Variants in PMS1 observed in about 807,000 individuals in gnomAD.
PMS1 encodes PMS1 homolog 1, mismatch repair system component.
In PMS1, 79 loss-of-function variants were observed where a neutral mutation model predicts 93.1. The ratio of observed to expected loss-of-function variants is 0.85; its 90% CI spans 0.71 to 1.02. PMS1 has a LOEUF of 1.02. PMS1 is among the 50% of genes least tolerant of loss of function. The pLI, the probability that PMS1 is intolerant of heterozygous loss-of-function variation, is 0.00. For missense variants in PMS1, 1,064 were observed against 1,085.3 expected, an observed-to-expected ratio of 0.98 and a Z score of 0.28; for synonymous variants, 335 against 363.4, an observed-to-expected ratio of 0.92 and a Z score of 0.89.
At chr2:189,833,910 C>G (rs1261627443) in intron 5 of PMS1, among the ~76,000 whole-genome samples, 1 of 152,156 alleles carries the variant, frequency 6.6e-6, no homozygotes. Flanking sequence ...TTCCTTTCAT[C>G]CTTAGGAAGA....
chr2:189,791,968 C>G, intron 2 of PMS1, 27 bp downstream of exon 2: 3 of 1,607,928 alleles, frequency 1.9e-6, no homozygotes, highest in Non-Finnish European at 1.7e-6. Flanking sequence ...ACCCAAATAC[C>G]TTTAAGACAA....
intron 11 of PMS1, among the ~76,000 whole-genome samples, chr2:189,870,010 T>C (rs2057007740): frequency 6.6e-6 from 1 of 152,128 alleles, no homozygotes; most frequent in South Asian, 2.1e-4. Flanking sequence ...ATACTTTCCA[T>C]AGCATCAAAG....
At chr2:189,861,555 G>A (rs2056002515) in intron 9 of PMS1, among the ~76,000 whole-genome samples, 1 of 151,966 alleles carries the variant, frequency 6.6e-6, no homozygotes, top group African/African-American at 2.4e-5. Context: ...TTTGAGACCA[G>A]CCTGGCCAAC....
chr2:189,803,347 C>T (rs1258837492), intron 3 of PMS1, among the ~76,000 whole-genome samples: 2 of 152,092 alleles, frequency 1.3e-5, no homozygotes, highest in African/African-American at 4.8e-5. Flanking sequence ...TGTAATGATA[C>T]TGCGATTTCT....
chr2:189,805,806 G>T, intron 4 of PMS1, 52 bp downstream of exon 4: 1 of 1,597,474 alleles, frequency 6.3e-7, no homozygotes. Context: ...TGTCTTAATT[G>T]TTGGTTTAAA....
chr2:189,795,690 CT>C (rs1559216301), intron 2 of PMS1, 78 bp from the exon 3 acceptor site: 1 of 1,143,926 alleles, frequency 8.7e-7, no homozygotes, highest in African/African-American at 1.5e-5. Flanking sequence ...TGTCAAAATT[CT>C]TTCACTTGTG....
At position 189,854,977 on chromosome 2, in the gene PMS1, C is replaced by T. The variant is rs201194903; in HGVS notation, c.1705C>T (p.Arg569Ter). 10 of 1,612,696 alleles carry T rather than the reference C, an allele frequency of 6.2e-6. No homozygotes were observed. The highest frequency in any genetic ancestry group is 2.7e-5 in the African/African-American group (2 of 74,864). The change falls in exon 9 of 13, where the codon CGA becomes TGA. Residue 569 changes from arginine (R) to a stop codon, truncating the protein, a stop_gained. Coordinates refer to ENST00000441310, the MANE Select transcript of PMS1 (RefSeq NM_000534.5). LOFTEE classifies it high-confidence loss of function. ...TACAGCTTATGATTTACTTAGCAAT[C>T]GAGTAATCAAGAAACCCATGTCAGC... ...KVTAYDLLSN[R>*]VIKKPMSASA...
At chr2:189,840,473 AAAAT>A (rs1403965493) in intron 5 of PMS1, among the ~76,000 whole-genome samples, 1 of 152,234 alleles carries the variant, frequency 6.6e-6, no homozygotes, top group East Asian at 1.9e-4. Flanking sequence ...GGCCAAATGT[AAAAT>A]ATACAAGGAG....
chr2:189,869,771 C>T (rs1357687008), intron 11 of PMS1, among the ~76,000 whole-genome samples: 1 of 150,122 alleles, frequency 6.7e-6, no homozygotes. Flanking sequence ...GAGCCAAGAT[C>T]ACGCCACTGC....
At chr2:189,856,153 T>A (rs2055308192) in intron 9 of PMS1, among the ~76,000 whole-genome samples, 1 of 149,574 alleles carries the variant, frequency 6.7e-6, no homozygotes, top group Admixed American at 6.6e-5. Flanking sequence ...TTTTTTGTCA[T>A]CTTTTTTTTT....
chr2:189,846,768 A>T (rs1205965024), intron 6 of PMS1, among the ~76,000 whole-genome samples: 1 of 152,144 alleles, frequency 6.6e-6, no homozygotes, highest in Non-Finnish European at 1.5e-5. Context: ...TGGCAGACAT[A>T]GACTTTTAGA....
chr2:189,823,522 A>G (rs545954953), intron 5 of PMS1, among the ~76,000 whole-genome samples: 1 of 152,146 alleles, frequency 6.6e-6, no homozygotes, highest in Non-Finnish European at 1.5e-5. Flanking sequence ...AACCAAGGGA[A>G]TATATTTTAA....
chr2:189,800,914 C>T (rs1559224837), intron 3 of PMS1, among the ~76,000 whole-genome samples: 1 of 152,156 alleles, frequency 6.6e-6, no homozygotes, highest in African/African-American at 2.4e-5. Flanking sequence ...ATTCTTTGTT[C>T]TTTATTTATA....
intron 9 of PMS1, among the ~76,000 whole-genome samples, chr2:189,858,874 A>G (rs752391881): frequency 1.3e-5 from 2 of 152,086 alleles, no homozygotes; most frequent in Non-Finnish European, 2.9e-5. Context: ...TTCAGGTAAC[A>G]TTTCTTCATT....
chr2:189,823,755 A>G (rs1490207460), intron 5 of PMS1, among the ~76,000 whole-genome samples: 3 of 151,350 alleles, frequency 2.0e-5, no homozygotes, highest in Admixed American at 2.0e-4. Flanking sequence ...CATATAAAGT[A>G]TTTATTGAAT....
At chr2:189,838,330 T>C (rs2053555389) in intron 5 of PMS1, among the ~76,000 whole-genome samples, 1 of 152,008 alleles carries the variant, frequency 6.6e-6, no homozygotes, top group Non-Finnish European at 1.5e-5. Context: ...GGGTTACTTT[T>C]CCCTAGGGAA....
At chr2:189,803,005 C>T (rs2050025814) in intron 3 of PMS1, among the ~76,000 whole-genome samples, 1 of 152,196 alleles carries the variant, frequency 6.6e-6, no homozygotes, top group Admixed American at 6.5e-5. Context: ...AGTCAGAGTA[C>T]TTTAATTAGT....
Position 189,853,968 on chromosome 2 carries a change from C to T in PMS1, c.852C>T (p.Cys284=), listed in dbSNP as rs2106457972. The part of the protein sequence containing the change: ...KLIRHHYNLK[C]LKESTRLYPV... ...TCCGACATCATTACAATCTGAAATGCCTAAAGGAATCTACTCGTTTGTATC... is the reference window on the plus strand; with the variant it reads ...TCCGACATCATTACAATCTGAAATGTCTAAAGGAATCTACTCGTTTGTATC... Residue 284 remains cysteine (C), a synonymous_variant, in exon 8 of 13, where the codon TGC becomes TGT. Coordinates refer to ENST00000441310, the MANE Select transcript of PMS1 (RefSeq NM_000534.5). The T allele has an allele frequency of 6.3e-7, 1 of 1,598,166 alleles. No individual in the cohort carries two copies. Among genetic ancestry groups the T allele is most frequent in the Non-Finnish European group, 8.6e-7 (1 of 1,169,032 alleles).
At position 189,791,773 on chromosome 2, in the gene PMS1, G is replaced by T; in HGVS notation, c.-20-17G>T. On this transcript the variant is annotated splice_polypyrimidine_tract_variant and intron_variant, in intron 1 of 12. Transcript: ENST00000441310. ...GAATGCTTAACAATTCTTACAAGTT[G>T]CATTTTTATCTTCTAGCTGCTCTGT... 6.2e-7 allele frequency: 1 copy of T among 1,603,356 alleles called. No individual in the cohort carries two copies. Among genetic ancestry groups the T allele is most frequent in the Non-Finnish European group, 8.5e-7 (1 of 1,171,748 alleles).
Sources: allele counts gnomAD v4.1 joint callset (sites outside exome capture counted in the v4.1 genomes callset), GRCh38; gene constraint gnomAD v4.1.1; transcripts MANE v1.5; gene names NCBI Gene and HGNC (gene_info 2026-07-23, HGNC 2026-07-21).